The following SOCS7 variants were observed in gnomAD, a reference collection of about 807,000 sequenced individuals.
SOCS7 encodes suppressor of cytokine signaling 7.
A neutral mutation model predicts 58.9 loss-of-function variants in SOCS7; 18 were observed. The ratio of observed to expected loss-of-function variants is 0.31; its 90% CI spans 0.21 to 0.45. The LOEUF (loss-of-function observed/expected upper bound fraction) is 0.45. SOCS7 is among the 20% of genes least tolerant of loss of function. The probability of loss-of-function intolerance (pLI) is 1.00; values close to 1 mark genes in which losing one functional copy is unlikely to be tolerated. For synonymous variants in SOCS7, 388 were observed against 364.3 expected, an observed-to-expected ratio of 1.06 and a Z score of -0.74; for missense variants, 667 against 837.3, an observed-to-expected ratio of 0.80 and a Z score of 2.51.
At chr17:38,370,875 T>C (rs1461556977) in intron 6 of SOCS7, among the ~76,000 whole-genome samples, 1 of 151,412 alleles carries the variant, frequency 6.6e-6, no homozygotes, top group East Asian at 2.0e-4. Flanking sequence ...TGTCTCGAAC[T>C]CCTGACCTTG....
chr17:38,386,970 C>T (rs1196170043), intron 7 of SOCS7, among the ~76,000 whole-genome samples: 1 of 149,520 alleles, frequency 6.7e-6, no homozygotes, highest in Non-Finnish European at 1.5e-5. Context: ...CCTATAGTCC[C>T]AGCTACTCGG....
intron 6 of SOCS7, among the ~76,000 whole-genome samples, chr17:38,371,898 A>G (rs2037873142): frequency 6.6e-6 from 1 of 151,080 alleles, no homozygotes; most frequent in South Asian, 2.1e-4. Flanking sequence ...TTGAGGTGGG[A>G]TCTTTGTAAT....
At position 38,389,896 on chromosome 17, in the gene SOCS7, TATACAC is replaced by T. The variant is rs1597776822; in HGVS notation, c.1682-5409_1682-5404del. Among the ~76,000 whole-genome samples, 566 of 84,344 alleles carry T rather than the reference TATACAC, an allele frequency of 6.7e-3. 4 individuals carry two copies. The highest frequency in any genetic ancestry group is 0.018 in the African/African-American group (224 of 12,330). 55.3% of individuals were successfully genotyped at this position (84,344 alleles called of 152,430 possible). ...ATATATATATATGTACATATATATATATACACATATAGAGAGAGAGAGAGAGAGAGA... is the reference window on the plus strand; with the variant it reads ...ATATATATATATGTACATATATATATATATAGAGAGAGAGAGAGAGAGAGA... On this transcript the variant is annotated intron_variant, in intron 7 of 9. Coordinates refer to ENST00000612932, the MANE Select transcript of SOCS7 (RefSeq NM_014598.4).
At chr17:38,383,231 A>T (rs956378616) in intron 7 of SOCS7, among the ~76,000 whole-genome samples, 1 of 152,190 alleles carries the variant, frequency 6.6e-6, no homozygotes, top group Non-Finnish European at 1.5e-5. Flanking sequence ...GGGGATGATT[A>T]TAGTACCTCA....
chr17:38,364,485 G>A (rs1189790174), intron 2 of SOCS7, among the ~76,000 whole-genome samples: 5 of 152,132 alleles, frequency 3.3e-5, no homozygotes, highest in Admixed American at 2.0e-4. Flanking sequence ...AGTCAGTGGC[G>A]GAACCAGAAT....
At chr17:38,356,540 AT>A (rs1297036381) in intron 1 of SOCS7, among the ~76,000 whole-genome samples, 1 of 151,480 alleles carries the variant, frequency 6.6e-6, no homozygotes, top group East Asian at 2.0e-4. Flanking sequence ...AATTTTTTGT[AT>A]TTTAGTAGAG....
At chr17:38,358,584 T>G (rs985416890) in intron 1 of SOCS7, among the ~76,000 whole-genome samples, 2 of 140,982 alleles carry the variant, frequency 1.4e-5, no homozygotes, top group African/African-American at 2.6e-5. Context: ...TTTGTTGTTG[T>G]TTTTTTTTTT....
intron 7 of SOCS7, among the ~76,000 whole-genome samples, chr17:38,378,274 A>C (rs1458326391): frequency 6.6e-6 from 1 of 152,188 alleles, no homozygotes; most frequent in Non-Finnish European, 1.5e-5. Context: ...GTGGTGGCTC[A>C]TGCCTGTAAT....
chr17:38,377,256 G>A (rs1045436071), intron 6 of SOCS7, among the ~76,000 whole-genome samples: 3 of 152,086 alleles, frequency 2.0e-5, no homozygotes, highest in African/African-American at 7.2e-5. Context: ...AATTATTAAA[G>A]GTTGAGTATC....
At chr17:38,353,819 G>A (rs970380486) in intron 1 of SOCS7, among the ~76,000 whole-genome samples, 2 of 152,156 alleles carry the variant, frequency 1.3e-5, no homozygotes, top group Non-Finnish European at 1.5e-5. Flanking sequence ...CCAGCTACTC[G>A]GGAGGCTGAG....
In SOCS7 at chr17:38,352,643, G is replaced by A; in HGVS notation, c.591G>A (p.Ser197=). ...AGAGCCTGGAGACTAACAGCTGCTC[G>A]GAAGAGGAGCTCAGCAGCCCGGGTC... ...EAESLETNSC[S]EEELSSPGRG... Residue 197 remains serine, a synonymous_variant, in exon 1 of 10, where the codon TCG becomes TCA. Transcript: ENST00000612932. This position sits in a 1 kb window ranked among gnomAD's most constrained non-coding sequence, Gnocchi z 5.5. The A allele has an allele frequency of 6.5e-7, 1 of 1,550,074 alleles. No homozygotes were observed. The highest frequency in any genetic ancestry group is 8.7e-7 in the Non-Finnish European group (1 of 1,146,872).
In SOCS7 at chr17:38,367,878, A is replaced by T. The variant is rs1344523563; in HGVS notation, c.1384-4A>T. 2.5e-6 allele frequency: 4 copies of T among 1,613,314 alleles called. No individual in the cohort carries two copies. The highest frequency in any genetic ancestry group is 2.7e-5 in the African/African-American group (2 of 74,892). On this transcript the variant is annotated splice_polypyrimidine_tract_variant and splice_region_variant and intron_variant, in intron 5 of 9. Coordinates refer to ENST00000612932, the MANE Select transcript of SOCS7 (RefSeq NM_014598.4). ...ACTAGTGGACTGCTTCTTGTCTTTGATAGTGTGGTTGGTATTGGGGGCCAA... is the reference window on the plus strand; with the variant it reads ...ACTAGTGGACTGCTTCTTGTCTTTGTTAGTGTGGTTGGTATTGGGGGCCAA...
chr17:38,386,920 C>T (rs2038074485), intron 7 of SOCS7, among the ~76,000 whole-genome samples: 1 of 149,988 alleles, frequency 6.7e-6, no homozygotes, highest in South Asian at 2.1e-4. Flanking sequence ...CCCGTCTCTA[C>T]TAAAAAATAG....
intron 7 of SOCS7, among the ~76,000 whole-genome samples, chr17:38,389,902 C>CATATATATATAT (rs1316838528): frequency 1.5e-5 from 1 of 64,684 alleles, no homozygotes; most frequent in African/African-American, 9.1e-5. Context: ...TATATATACA[C>CATATATATATAT]ATATAGAGAG....
At chr17:38,394,947 G>A (rs2038226052) in intron 7 of SOCS7, among the ~76,000 whole-genome samples, 1 of 152,228 alleles carries the variant, frequency 6.6e-6, no homozygotes, top group Non-Finnish European at 1.5e-5. Context: ...CTACTCAGGA[G>A]GCTGAGGCGG....
intron 2 of SOCS7, among the ~76,000 whole-genome samples, chr17:38,363,225 C>T (rs1173197466): frequency 6.6e-6 from 1 of 152,212 alleles, no homozygotes; most frequent in Non-Finnish European, 1.5e-5. Flanking sequence ...ACTGCTCTGG[C>T]CTGTCAGGAA....
chr17:38,387,133 G>GTGTATGTATATATAGA (rs1269515665), intron 7 of SOCS7, among the ~76,000 whole-genome samples: 1 of 73,494 alleles, frequency 1.4e-5, no homozygotes, highest in Non-Finnish European at 2.4e-5. Flanking sequence ...ATATATGTAT[G>GTGTATGTATATATAGA]TATATATATA....
chr17:38,368,810 C>G (rs2037825334), intron 6 of SOCS7, among the ~76,000 whole-genome samples: 1 of 152,188 alleles, frequency 6.6e-6, no homozygotes, highest in South Asian at 2.1e-4. Context: ...CTGATAGTCA[C>G]TTTCTCCCAG....
At chr17:38,387,115 A>ATATATATGTGTGTG (rs2144381615) in intron 7 of SOCS7, among the ~76,000 whole-genome samples, 2 of 108,302 alleles carry the variant, frequency 1.8e-5, no homozygotes, top group African/African-American at 4.7e-5. Context: ...ATATATATAT[A>ATATATATGTGTGTG]TATATATATA....
Sources: gnomAD v4.1 joint callset for allele counts (sites outside exome capture counted in the v4.1 genomes callset) on GRCh38, gnomAD v4.1.1 for gene constraint, Gnocchi (gnomAD v3.1) non-coding constraint, MANE v1.5 for transcripts, NCBI Gene and HGNC (gene_info 2026-07-23, HGNC 2026-07-21) for gene names.